Variants in WWC1 observed in about 807,000 individuals in gnomAD.
WWC1 encodes protein KIBRA.
WWC1 carries 55 observed loss-of-function variants against 138.4 expected under a neutral mutation model. The observed-to-expected ratio is 0.40, with a 90% CI of 0.32 to 0.50. The LOEUF (loss-of-function observed/expected upper bound fraction) is 0.50. Among genes scored for constraint, WWC1 ranks in the 20% least tolerant of loss-of-function variants. The pLI is 0.72. For missense variants in WWC1, 1,226 were observed against 1,420.4 expected, an observed-to-expected ratio of 0.86 and a Z score of 2.20; for synonymous variants, 524 against 564.9, an observed-to-expected ratio of 0.93 and a Z score of 1.03.
At chr5:168,353,570 A>T (rs1010556496) in intron 1 of WWC1, among the ~76,000 whole-genome samples, 26 of 152,162 alleles carry the variant, frequency 1.7e-4, no homozygotes, top group African/African-American at 5.8e-4. Flanking sequence ...AAAGAGTTAG[A>T]GTTGCTGTCC....
intron 1 of WWC1, among the ~76,000 whole-genome samples, chr5:168,335,645 T>A (rs1344059623): frequency 2.0e-5 from 3 of 152,216 alleles, no homozygotes; most frequent in African/African-American, 7.2e-5. Flanking sequence ...GTGGAAGTGC[T>A]GGGATAGAAT....
At chr5:168,363,608 T>A (rs1298024765) in intron 1 of WWC1, among the ~76,000 whole-genome samples, 1 of 151,680 alleles carries the variant, frequency 6.6e-6, no homozygotes, top group Non-Finnish European at 1.5e-5. Flanking sequence ...GTGCAAGGTT[T>A]ATTAGCTGTG....
intron 10 of WWC1, 150 bp downstream of exon 10, chr5:168,422,247 C>T (rs143720656): frequency 7.1e-5 from 53 of 745,160 alleles, no homozygotes; most frequent in African/African-American, 6.3e-4. Flanking sequence ...TCAGCAGACT[C>T]GGGCGTGGCC....
rs780061671 is a variant in WWC1, at chr5:168,406,232, T to C, written c.625T>C (p.Tyr209His). 22 of 1,614,058 alleles carry C rather than the reference T, an allele frequency of 1.4e-5. No individual in the cohort carries two copies. Among genetic ancestry groups the C allele is most frequent in the Non-Finnish European group, 1.5e-5 (18 of 1,179,966 alleles). Residue 209 changes from tyrosine (Y) to histidine (H), a missense_variant, in exon 6 of 23, where the codon TAC (tyrosine) becomes CAC (histidine). Tyr to His is a moderately conservative substitution (Grantham distance 83). This residue lies in a region of WWC1 where 1,016 missense variants were observed against 1,153.9 expected (regional missense o/e 0.88). Coordinates refer to ENST00000265293, the MANE Select transcript of WWC1 (RefSeq NM_015238.3). ...DKKMSDAQGS[Y>H]KLDEAQAVLR... ...GAAAATGTCTGATGCTCAGGGCAGC[T>C]ACAAACTGGATGAAGCTCAGGCTGT... is the stretch of plus-strand genomic sequence containing the variant.
At chr5:168,324,313 G>A (rs1772356891) in intron 1 of WWC1, among the ~76,000 whole-genome samples, 1 of 152,070 alleles carries the variant, frequency 6.6e-6, no homozygotes, top group Non-Finnish European at 1.5e-5. Context: ...CTCACCTGCA[G>A]TCCCACCTAC....
chr5:168,359,767 A>G (rs901276051), intron 1 of WWC1, among the ~76,000 whole-genome samples: 2 of 152,248 alleles, frequency 1.3e-5, no homozygotes, highest in Non-Finnish European at 1.5e-5. Flanking sequence ...AAACTCTGGT[A>G]TTCCTACAGT....
chr5:168,431,312 G>A lies in WWC1; in HGVS notation c.2148G>A (p.Arg716=), dbSNP rs762180799. 9 of 1,614,036 alleles carry A rather than the reference G, an allele frequency of 5.6e-6. No homozygotes were observed. Among genetic ancestry groups the A allele is most frequent in the Admixed American group, 1.7e-5 (1 of 59,998 alleles). Residue 716 remains arginine, a synonymous_variant, in exon 15 of 23, where the codon CGG becomes CGA. Transcript: ENST00000265293. ...SESTTCLFRT[R]PLDASDTLVF... ...GCACAACCTGCCTGTTCCGGACCCG[G>A]CCTCTGGACGCCTCAGACACTCTAG... is the stretch of plus-strand genomic sequence containing the variant.
Position 168,428,050 on chromosome 5 carries a change from G to A in WWC1, c.1828G>A (p.Gly610Arg), listed in dbSNP as rs920563359. The change falls in exon 12 of 23, where the codon GGG (glycine) becomes AGG (arginine). Residue 610 changes from glycine to arginine, a missense_variant. Around this residue, in one of 3 missense-constraint regions of WWC1, gnomAD observed 1,016 missense variants for 1,153.9 expected, o/e 0.88. Transcript: ENST00000265293. ...TTCCCTAGCTGTGAATACGGCCCAGGGGTGTGGCCTGAAAGTGGCCTGTGT... is the reference window on the plus strand; with the variant it reads ...TTCCCTAGCTGTGAATACGGCCCAGAGGTGTGGCCTGAAAGTGGCCTGTGT... ...QLGQAVNTAQ[G>R]CGLKVACVSA... 7 of 1,613,690 alleles carry A rather than the reference G, an allele frequency of 4.3e-6. No homozygotes were observed. Among genetic ancestry groups the A allele is most frequent in the Non-Finnish European group, 5.1e-6 (6 of 1,179,724 alleles).
At chr5:168,461,760 T>C (rs1756832719) in intron 20 of WWC1, among the ~76,000 whole-genome samples, 1 of 151,928 alleles carries the variant, frequency 6.6e-6, no homozygotes, top group Admixed American at 6.6e-5. Context: ...GGAGCCAGAA[T>C]GTCAGAAAGA....
At chr5:168,443,455 C>A (rs1234235155) in intron 16 of WWC1, among the ~76,000 whole-genome samples, 1 of 152,106 alleles carries the variant, frequency 6.6e-6, no homozygotes, top group Non-Finnish European at 1.5e-5. Context: ...ATCTCATCAG[C>A]AAAGCTAGGT....
chr5:168,344,518 G>A (rs1774310247), intron 1 of WWC1, among the ~76,000 whole-genome samples: 1 of 152,208 alleles, frequency 6.6e-6, no homozygotes, highest in Non-Finnish European at 1.5e-5. Flanking sequence ...AGCTTTGTAA[G>A]CTACAAAGTA....
chr5:168,465,088 G>C lies in WWC1; in HGVS notation c.3150+126G>C, dbSNP rs1757147376. On this transcript the variant is annotated intron_variant, in intron 21 of 22. Transcript: ENST00000265293. ...CAATTCCCACCACAGGTTCCACTGA[G>C]GGTGTTCCACCCATCCCTCGTTCCC... The C allele has an allele frequency of 1.7e-5, 24 of 1,393,428 alleles. 1 individual carries two copies. In the South Asian group the frequency reaches 3.6e-4, roughly 21 times the overall value. 86.3% of individuals were successfully genotyped at this position (1,393,428 alleles called of 1,614,324 possible).
chr5:168,376,343 T>C (rs1777165464), intron 2 of WWC1, among the ~76,000 whole-genome samples: 1 of 152,216 alleles, frequency 6.6e-6, no homozygotes, highest in South Asian at 2.1e-4. Flanking sequence ...CGTGAGCTGC[T>C]GTGCCTGGCC....
chr5:168,410,099 T>C (rs17070132), intron 8 of WWC1, 104 bp downstream of exon 8: 110,690 of 1,134,458 alleles, frequency 0.098, 6,040 homozygotes, highest in African/African-American at 0.11. Context: ...TCTTCTTTAA[T>C]CCTCACAAAG....
In WWC1 at chr5:168,350,787, A is replaced by T. The variant is rs76099773; in HGVS notation, c.120-20637A>T. Among the ~76,000 whole-genome samples the T allele has an allele frequency of 6.8e-4, 103 of 152,312 alleles. 1 individual carries two copies. In the East Asian group the frequency reaches 0.013, roughly 20 times the overall value. ...ACAATGAGCTAAATGAGGGTTTCCA[A>T]AACTTCAGTCACTGGTGCACCCTCT... On this transcript the variant is annotated intron_variant, in intron 1 of 22. Transcript: ENST00000265293.
At position 168,298,030 on chromosome 5, in the gene WWC1, T is replaced by G. The variant is rs138207621; in HGVS notation, c.119+5759T>G. Among the ~76,000 whole-genome samples the G allele has an allele frequency of 3.5e-3, 527 of 152,132 alleles. 4 individuals are homozygous for G. The highest frequency in any genetic ancestry group is 0.012 in the African/African-American group (494 of 41,504). ...GTCTAATGTCATATTCCAACAAGCTTTGTTTTATTTTATTTTATTTTATTT... is the reference window on the plus strand; with the variant it reads ...GTCTAATGTCATATTCCAACAAGCTGTGTTTTATTTTATTTTATTTTATTT... On this transcript the variant is annotated intron_variant, in intron 1 of 22. Transcript: ENST00000265293.
chr5:168,460,315 G>A (rs144166977), intron 19 of WWC1, among the ~76,000 whole-genome samples: 34 of 152,280 alleles, frequency 2.2e-4, no homozygotes, highest in Non-Finnish European at 4.7e-4. Flanking sequence ...CCAATCTTGG[G>A]CCAGTTCTGC....
At chr5:168,357,499 C>CGT (rs1775545832) in intron 1 of WWC1, among the ~76,000 whole-genome samples, 4 of 139,790 alleles carry the variant, frequency 2.9e-5, no homozygotes, top group South Asian at 2.1e-4. Flanking sequence ...TGTGTGCGCG[C>CGT]GCGCACGCAT....
chr5:168,411,944 A>G (rs1169124811), intron 8 of WWC1: 2 of 977,262 alleles, frequency 2.0e-6, no homozygotes, highest in African/African-American at 3.5e-5. Context: ...TATTAACAAA[A>G]GAAGAAGGAA....
Sources: allele counts gnomAD v4.1 joint callset (sites outside exome capture counted in the v4.1 genomes callset), GRCh38; gene constraint gnomAD v4.1.1; regional missense constraint gnomAD v4.1.1; transcripts MANE v1.5; gene names NCBI Gene and HGNC (gene_info 2026-07-23, HGNC 2026-07-21).